Variants in SLC38A2 observed in about 807,000 individuals in gnomAD.
SLC38A2 encodes sodium-coupled neutral amino acid symporter 2.
In SLC38A2, 11 loss-of-function variants were observed where a neutral mutation model predicts 61.5. The observed-to-expected ratio is 0.18, with a 90% CI of 0.11 to 0.30. The LOEUF (loss-of-function observed/expected upper bound fraction) is 0.30. Among genes scored for constraint, SLC38A2 ranks in the 10% least tolerant of loss-of-function variants. The pLI, the probability that SLC38A2 is intolerant of heterozygous loss-of-function variation, is 1.00. For synonymous variants in SLC38A2, 217 were observed against 212.5 expected (o/e 1.02, Z -0.18); for missense variants, 522 against 600.4 (o/e 0.87, Z 1.36).
intron 10 of SLC38A2, 69 bp downstream of exon 10, chr12:46,364,320 T>C (rs1362342068): frequency 7.0e-7 from 1 of 1,425,882 alleles, no homozygotes; most frequent in African/African-American, 1.4e-5. Flanking sequence ...CCCTTTACCC[T>C]GGGAGTGAAT....
In SLC38A2 at chr12:46,371,347, C is replaced by G; in HGVS notation, c.-54G>C. 3 of 1,471,038 alleles carry G rather than the reference C, an allele frequency of 2.0e-6. No individual in the cohort carries two copies. The highest frequency in any genetic ancestry group is 2.9e-6 in the Non-Finnish European group (3 of 1,051,842). 91.1% of individuals were successfully genotyped at this position (1,471,038 alleles called of 1,614,324 possible). A position where few individuals can be genotyped will look rare whatever the true frequency, so the allele number is the denominator to read the frequency against. On this transcript the variant is annotated 5_prime_UTR_variant, in exon 2 of 16. Transcript: ENST00000256689. ...CTAGTAGCGCTGGGCTCCTTTTGTC[C>G]TTGGCGGTGGGTGCAGCGGCCCGCG...
rs763848869 is a variant in SLC38A2 at position 46,370,616 on chromosome 12, A to G, written c.210T>C (p.Thr70=). 1.9e-6 allele frequency: 3 copies of G among 1,613,280 alleles called. No individual in the cohort carries two copies. The highest frequency in any genetic ancestry group is 2.5e-6 in the Non-Finnish European group (3 of 1,179,164). ...KKYETEFHPG[T]TSFGMSVFNL... The stretch of plus-strand genomic sequence containing the variant: ...TAAATACTGACATTCCAAAGGAAGT[A>G]GTACCTGGATGCTACATAGAGGGAA... Residue 70 remains threonine (T), a synonymous_variant, in exon 4 of 16, where the codon ACT becomes ACC. Coordinates refer to ENST00000256689, the MANE Select transcript of SLC38A2 (RefSeq NM_018976.5).
intron 1 of SLC38A2, chr12:46,371,764 C>T (rs995358975): frequency 5.7e-6 from 1 of 174,078 alleles, no homozygotes. Flanking sequence ...GTGCATGCAA[C>T]CTAGGCGCAC....
chr12:46,363,630 A>T, intron 12 of SLC38A2, 96 bp downstream of exon 12: 1 of 682,276 alleles, frequency 1.5e-6, no homozygotes, highest in East Asian at 2.8e-5. Flanking sequence ...ACTATTTTTA[A>T]AGTGATGGAA....
Position 46,371,377 on chromosome 12 carries a change from G to C in SLC38A2, c.-84C>G, listed in dbSNP as rs919809264. ...CGGTGGGTGCAGCGGCCCGCGAGTC[G>C]GCCTGCGAAAGTAGAGGCGGCGCGT... On this transcript the variant is annotated splice_region_variant and 5_prime_UTR_variant, in exon 2 of 16. Coordinates refer to ENST00000256689, the MANE Select transcript of SLC38A2 (RefSeq NM_018976.5). 6.2e-6 allele frequency: 7 copies of C among 1,133,452 alleles called. No individual in the cohort carries two copies. Among genetic ancestry groups the C allele is most frequent in the Admixed American group, 6.0e-5 (3 of 49,920 alleles). The allele number at this position is 1,133,452 out of a possible 1,614,324, so 70.2% of individuals were successfully genotyped here.
chr12:46,362,634 C>T lies in SLC38A2; in HGVS notation c.1184G>A (p.Arg395Gln), dbSNP rs1441010050. 3 of 1,556,110 alleles carry T rather than the reference C, an allele frequency of 1.9e-6. No individual in the cohort carries two copies. The highest frequency in any genetic ancestry group is 2.6e-6 in the Non-Finnish European group (3 of 1,164,370). Reference sequence around the variant, plus strand: ...ACACAACAAGTGAGTTACAGAACTCCGGATCTGCAAAAAAAATAAATAAAA... The same window carrying T: ...ACACAACAAGTGAGTTACAGAACTCTGGATCTGCAAAAAAAATAAATAAAA... ...LTVPVVIFPIRSSVTHLLCAS... is the reference protein window; with the variant it reads ...LTVPVVIFPIQSSVTHLLCAS... The change falls in exon 14 of 16, where the codon CGG (arginine) becomes CAG (glutamine). Residue 395 changes from arginine to glutamine, a missense_variant. By Grantham distance (43) the Arg-to-Gln change is conservative (BLOSUM62 1). This residue lies in a region of SLC38A2 where 309 missense variants were observed against 343.9 expected (regional missense o/e 0.90). Transcript: ENST00000256689.
intron 10 of SLC38A2, 53 bp from the exon 11 acceptor site, chr12:46,364,056 C>A: frequency 1.4e-6 from 2 of 1,400,522 alleles, no homozygotes; most frequent in South Asian, 2.6e-5. Context: ...CTCATGCTGT[C>A]ACATTTCCGC....
rs750705465 is a variant in SLC38A2, at chr12:46,372,694, C to A, written c.-272G>T. 4 of 398,530 alleles carry A rather than the reference C, an allele frequency of 1.0e-5. No homozygotes were observed. In the East Asian group the frequency reaches 1.4e-4, roughly 14 times the overall value. The allele number at this position is 398,530 out of a possible 1,614,324, so 24.7% of individuals were successfully genotyped here. On this transcript the variant is annotated 5_prime_UTR_variant, in exon 1 of 16. Coordinates refer to ENST00000256689, the MANE Select transcript of SLC38A2 (RefSeq NM_018976.5). ...CGTCCGCCGTGTCAAGGGAAAGGCG[C>A]GAGCGTGCGGTAACGCGTGGTCGGG...
chr12:46,364,361 T>C (rs1943115543), intron 10 of SLC38A2, 28 bp downstream of exon 10: 1 of 1,510,520 alleles, frequency 6.6e-7, no homozygotes, highest in Non-Finnish European at 8.7e-7. Flanking sequence ...TAAACTCTTC[T>C]TTTGAGAAAA....
rs1036222082 is a variant in SLC38A2 at position 46,359,582 on chromosome 12, A to G, written c.*1529T>C. 6.6e-6 allele frequency: 1 copy of G among 152,622 alleles called. No individual in the cohort carries two copies. The highest frequency in any genetic ancestry group is 1.5e-5 in the Non-Finnish European group (1 of 68,020). 9.5% of individuals were successfully genotyped at this position (152,622 alleles called of 1,614,324 possible). ...ATTATTTGCTTCCTTCAACCACTTA[A>G]TGGAATTATGTATATTAGATTTTAG... On this transcript the variant is annotated 3_prime_UTR_variant, in exon 16 of 16. Coordinates refer to ENST00000256689, the MANE Select transcript of SLC38A2 (RefSeq NM_018976.5).
At position 46,363,103 on chromosome 12, in the gene SLC38A2, A is replaced by G; in HGVS notation, c.1097T>C (p.Leu366Ser). Residue 366 changes from leucine to serine, a missense_variant, in exon 13 of 16, where the codon TTG (leucine) becomes TCG (serine). By Grantham distance (145) the Leu-to-Ser change is moderately radical (BLOSUM62 -2). Around this residue, in one of 3 missense-constraint regions of SLC38A2, gnomAD observed 309 missense variants for 343.9 expected, o/e 0.90. Coordinates refer to ENST00000256689, the MANE Select transcript of SLC38A2 (RefSeq NM_018976.5). ...AATGAGAAGAAGAATATCAGTTCCCAAGATAGAAGAGTAGGTATGAAGCAA... is the reference window on the plus strand; with the variant it reads ...AATGAGAAGAAGAATATCAGTTCCCGAGATAGAAGAGTAGGTATGAAGCAA... The part of the protein sequence containing the change: ...SELLHTYSSI[L>S]GTDILLLIVR... The G allele has an allele frequency of 1.2e-6, 2 of 1,613,076 alleles. No homozygotes were observed. Among genetic ancestry groups the G allele is most frequent in the Non-Finnish European group, 1.7e-6 (2 of 1,179,212 alleles).
chr12:46,371,019 A>G (rs1286648702), intron 2 of SLC38A2, 159 bp downstream of exon 2: 2 of 828,932 alleles, frequency 2.4e-6, no homozygotes, highest in African/African-American at 3.5e-5. Flanking sequence ...CACACCAGCT[A>G]TCTTGTCATT....
chr12:46,370,082 T>G (rs960517428), intron 4 of SLC38A2, among the ~76,000 whole-genome samples: 1 of 152,216 alleles, frequency 6.6e-6, no homozygotes, highest in African/African-American at 2.4e-5. Context: ...AAATTTTCTT[T>G]TCCTTATTCA....
chr12:46,363,292 G>T, intron 12 of SLC38A2, 147 bp from the exon 13 acceptor site: 1 of 1,030,850 alleles, frequency 9.7e-7, no homozygotes, highest in Non-Finnish European at 1.4e-6. Flanking sequence ...TGGAATTATA[G>T]TTAATGCAAT....
intron 15 of SLC38A2, 80 bp from the exon 16 acceptor site, chr12:46,361,289 CT>C: frequency 9.1e-7 from 1 of 1,103,828 alleles, no homozygotes; most frequent in Non-Finnish European, 1.3e-6. Flanking sequence ...TTGAAATGTG[CT>C]TTAATTACTA....
intron 4 of SLC38A2, among the ~76,000 whole-genome samples, chr12:46,367,680 G>A (rs185102980): frequency 4.3e-4 from 66 of 152,290 alleles, no homozygotes; most frequent in Non-Finnish European, 7.5e-4. Context: ...CCACAATAAT[G>A]AGCTGTATGC....
At chr12:46,364,607 T>TATA in intron 9 of SLC38A2, 37 bp downstream of exon 9, 2 of 1,595,338 alleles carry the variant, frequency 1.3e-6, no homozygotes, top group Admixed American at 1.8e-5. Flanking sequence ...TGGCAGGGCT[T>TATA]ATAAAAAATT....
rs1943219326 is a variant in SLC38A2, at chr12:46,372,676, C to A, written c.-254G>T. On this transcript the variant is annotated 5_prime_UTR_variant, in exon 1 of 16. Coordinates refer to ENST00000256689, the MANE Select transcript of SLC38A2 (RefSeq NM_018976.5). ...GCCGCCCCAATCCTCCGGCGTCCGC[C>A]GTGTCAAGGGAAAGGCGCGAGCGTG... 5 of 398,432 alleles carry A rather than the reference C, an allele frequency of 1.3e-5. No homozygotes were observed. The highest frequency in any genetic ancestry group is 8.8e-6 in the Non-Finnish European group (2 of 225,996). 24.7% of individuals were successfully genotyped at this position (398,432 alleles called of 1,614,324 possible).
rs137856224 is a variant in SLC38A2, at chr12:46,371,202, G to T, written c.92C>A (p.Pro31His). The change falls in exon 2 of 16, where the codon CCC becomes CAC. Residue 31 changes from proline (P) to histidine (H), a missense_variant. Physicochemically the swap from Pro to His is moderately conservative, Grantham distance 77. Coordinates refer to ENST00000256689, the MANE Select transcript of SLC38A2 (RefSeq NM_018976.5). ...CCTTTTCAGAGCAGCTTGCTTGGTG[G>T]GGTAGGAGTAGTTGAAGTCGCTGTT... The part of the protein sequence containing the change: ...SSNSDFNYSY[P>H]TKQAALKSHY... 3.7e-6 allele frequency: 6 copies of T among 1,614,202 alleles called. No homozygotes were observed. Among genetic ancestry groups the T allele is most frequent in the Non-Finnish European group, 5.1e-6 (6 of 1,180,006 alleles).
Sources: gnomAD v4.1 joint callset for allele counts (sites outside exome capture counted in the v4.1 genomes callset) on GRCh38, gnomAD v4.1.1 for gene constraint, gnomAD v4.1.1 regional missense constraint, MANE v1.5 for transcripts, NCBI Gene and HGNC (gene_info 2026-07-23, HGNC 2026-07-21) for gene names.